Variants in RAD51B observed in about 807,000 individuals in gnomAD.
RAD51B encodes RAD51 paralog B.
In RAD51B, 38 loss-of-function variants were observed where a neutral mutation model predicts 42.2. The ratio of observed to expected loss-of-function variants is 0.90; its 90% CI spans 0.70 to 1.18. The LOEUF is 1.18. RAD51B is among the 50% of genes most tolerant of loss of function. The pLI is 0.00. For missense variants in RAD51B, 373 were observed against 400.7 expected (o/e 0.93, Z 0.59); for synonymous variants, 154 against 145.2 (o/e 1.06, Z -0.43).
At chr14:68,369,901 G>A (rs117418055) in intron 8 of RAD51B, among the ~76,000 whole-genome samples, 233 of 152,154 alleles carry the variant, frequency 1.5e-3, no homozygotes, top group Non-Finnish European at 2.7e-3. Context: ...AACAAACTTC[G>A]AGGGGATGAT....
At chr14:68,269,420 C>T (rs748898095) in intron 7 of RAD51B, among the ~76,000 whole-genome samples, 3 of 152,178 alleles carry the variant, frequency 2.0e-5, no homozygotes, top group Non-Finnish European at 4.4e-5. Context: ...GTTCCCAGGG[C>T]ATCGTAAGCA....
intron 9 of RAD51B, among the ~76,000 whole-genome samples, chr14:68,428,709 A>ATG (rs2084916408): frequency 5.1e-3 from 2 of 396 alleles, no homozygotes; most frequent in African/African-American, 7.4e-3. Context: ...GATTTTCTTT[A>ATG]TATATATATA....
chr14:67,988,359 T>G (rs2140285781), intron 7 of RAD51B, among the ~76,000 whole-genome samples: 1 of 152,194 alleles, frequency 6.6e-6, no homozygotes, highest in Non-Finnish European at 1.5e-5. Context: ...CTTGGGAGGC[T>G]GAGGCAGGAG....
chr14:68,207,463 A>G (rs927092864), intron 7 of RAD51B, among the ~76,000 whole-genome samples: 1 of 152,220 alleles, frequency 6.6e-6, no homozygotes, highest in African/African-American at 2.4e-5. Context: ...AGGGTGAAGC[A>G]TAGTGATTAA....
downstream of RAD51B, among the ~76,000 whole-genome samples, chr14:68,480,676 T>C (rs543580204): frequency 3.0e-4 from 45 of 150,990 alleles, 1 homozygote; most frequent in Admixed American, 2.9e-3. Flanking sequence ...AAAAAAAAAA[T>C]GTCTATATTG....
At chr14:67,987,798 C>T (rs142905972) in intron 7 of RAD51B, among the ~76,000 whole-genome samples, 8 of 152,302 alleles carry the variant, frequency 5.3e-5, no homozygotes, top group Non-Finnish European at 1.0e-4. Flanking sequence ...GGCTGACATT[C>T]ACCATATTGT....
intron 8 of RAD51B, among the ~76,000 whole-genome samples, chr14:68,368,541 A>G (rs1464317430): frequency 6.6e-6 from 1 of 152,162 alleles, no homozygotes; most frequent in Non-Finnish European, 1.5e-5. Flanking sequence ...GGGCAAATTG[A>G]TTTCATCTTC....
chr14:67,855,508 G>A (rs541595531), intron 4 of RAD51B, among the ~76,000 whole-genome samples: 1 of 152,018 alleles, frequency 6.6e-6, no homozygotes. Context: ...CCAAAGTGCT[G>A]GGATTATAGG....
In RAD51B at chr14:68,014,617, G is replaced by A. The variant is rs2075744062; in HGVS notation, c.756+127413G>A. Among the ~76,000 whole-genome samples the A allele has an allele frequency of 3.9e-5, 6 of 151,922 alleles. No homozygotes were observed. In the South Asian group the frequency reaches 1.2e-3, roughly 32 times the overall value. On this transcript the variant is annotated intron_variant, in intron 7 of 10. Coordinates refer to ENST00000471583, the MANE Select transcript of RAD51B (RefSeq NM_133510.4). ...TTCTTTAAAAACAATATTTGATTAG[G>A]AGATCATGGAGAAATTTGTATGGTC...
chr14:68,468,478 A>G (rs1048488262), intron 10 of RAD51B: 2 of 600,936 alleles, frequency 3.3e-6, no homozygotes, highest in Middle Eastern at 9.3e-4. Context: ...AGAATTTCCT[A>G]ACAGAATGAG....
intron 7 of RAD51B, among the ~76,000 whole-genome samples, chr14:67,963,941 A>T (rs184162890): frequency 6.6e-6 from 1 of 152,150 alleles, no homozygotes; most frequent in East Asian, 1.9e-4. Flanking sequence ...ACCATCTAGT[A>T]TATTTGCCTA....
At chr14:67,918,001 C>A (rs1037139720) in intron 7 of RAD51B, among the ~76,000 whole-genome samples, 3 of 151,428 alleles carry the variant, frequency 2.0e-5, no homozygotes, top group Non-Finnish European at 4.4e-5. Flanking sequence ...TAAGAGATTG[C>A]AAAAGGGAGA....
intron 7 of RAD51B, among the ~76,000 whole-genome samples, chr14:67,979,813 A>T (rs538548760): frequency 1.3e-5 from 2 of 152,270 alleles, no homozygotes; most frequent in South Asian, 4.1e-4. Flanking sequence ...GGAGTCTTTT[A>T]TACTTCTGAG....
chr14:68,329,873 T>A (rs2082315415), intron 8 of RAD51B, among the ~76,000 whole-genome samples: 1 of 151,114 alleles, frequency 6.6e-6, no homozygotes, highest in Non-Finnish European at 1.5e-5. Context: ...TCCCAGCTAC[T>A]CGGGAGGCTG....
intron 10 of RAD51B, among the ~76,000 whole-genome samples, chr14:68,494,595 C>T (rs1884356984): frequency 6.6e-6 from 1 of 152,130 alleles, no homozygotes; most frequent in Non-Finnish European, 1.5e-5. Flanking sequence ...CTGTAAGCTG[C>T]TTCCTATTCT....
At chr14:68,176,635 GTTGATGAACATTGCATTAA>G (rs2078967151) in intron 7 of RAD51B, among the ~76,000 whole-genome samples, 1 of 152,160 alleles carries the variant, frequency 6.6e-6, no homozygotes, top group Non-Finnish European at 1.5e-5. Flanking sequence ...GGTCTCCAGA[GTTGATGAACATTGCATTAA>G]TCTACAGCAT....
rs113688006 is a variant in RAD51B, at chr14:68,573,824, C to T, written c.1037-20661C>T. 3.2e-3 allele frequency among the ~76,000 whole-genome samples: 486 copies of T among 152,312 alleles called. 2 individuals are homozygous for T. Among genetic ancestry groups the T allele is most frequent in the African/African-American group, 0.011 (455 of 41,562 alleles). On this transcript the variant is annotated intron_variant, in intron 10 of 10. Coordinates refer to the RAD51B transcript ENST00000487270. ...AAGGGGGCAGGCCTTCCATTCAGCCCGCAGATGAAGACTTTAGCTTCACTT... is the reference window on the plus strand; with the variant it reads ...AAGGGGGCAGGCCTTCCATTCAGCCTGCAGATGAAGACTTTAGCTTCACTT...
At chr14:68,120,407 A>C (rs188118185) in intron 7 of RAD51B, among the ~76,000 whole-genome samples, 1 of 152,270 alleles carries the variant, frequency 6.6e-6, no homozygotes, top group East Asian at 1.9e-4. Context: ...TAAGTGGTTT[A>C]AGTTTCTAGC....
At chr14:68,151,823 CTTT>C (rs71129868) in intron 7 of RAD51B, among the ~76,000 whole-genome samples, 1 of 39,936 alleles carries the variant, frequency 2.5e-5, no homozygotes, top group African/African-American at 9.5e-5. Flanking sequence ...GTTATAAAGA[CTTT>C]TTTTTTTTTT....
Sources: gnomAD v4.1 joint callset for allele counts (sites outside exome capture counted in the v4.1 genomes callset) on GRCh38, gnomAD v4.1.1 for gene constraint, MANE v1.5 for transcripts, NCBI Gene and HGNC (gene_info 2026-07-23, HGNC 2026-07-21) for gene names.